The following ZKSCAN1 variants were observed in gnomAD, a reference collection of about 807,000 sequenced individuals.
ZKSCAN1 encodes the protein zinc finger with KRAB and SCAN domains 1, also known as zinc finger protein with KRAB and SCAN domains 1.
Under a neutral mutation model 51.6 loss-of-function variants are expected in ZKSCAN1, and 14 were observed. That is an observed-to-expected ratio of 0.27 (90% confidence interval 0.18 to 0.42). The LOEUF is 0.42. Ranked by LOEUF, ZKSCAN1 falls within the 10% of genes least tolerant of loss-of-function variation. The pLI is 1.00. For missense variants in ZKSCAN1, 531 were observed against 710.0 expected, an observed-to-expected ratio of 0.75 and a Z score of 2.86; for synonymous variants, 263 against 261.5, an observed-to-expected ratio of 1.01 and a Z score of -0.06.
intron 1 of ZKSCAN1, among the ~76,000 whole-genome samples, chr7:100,018,669 G>A (rs1016234656): frequency 5.3e-5 from 8 of 152,194 alleles, no homozygotes; most frequent in African/African-American, 1.7e-4. Context: ...TTACAGGCAT[G>A]AGCCACTGCG....
rs919782355 is a variant in ZKSCAN1 at position 100,039,015 on chromosome 7, G to C, written c.*4818G>C. ...ATGTCAAAAAAAAAAAAAAGGTTGG[G>C]GGGAGGATAGGACTGGCCAGGCACG... On this transcript the variant is annotated 3_prime_UTR_variant, in exon 6 of 6. Transcript: ENST00000324306. The C allele has an allele frequency of 4.9e-4, 75 of 154,382 alleles. No individual in the cohort carries two copies. Among genetic ancestry groups the C allele is most frequent in the Non-Finnish European group, 5.0e-4 (36 of 71,316 alleles). 9.6% of individuals were successfully genotyped at this position (154,382 alleles called of 1,614,324 possible). A position where few individuals can be genotyped will look rare whatever the true frequency, so the allele number is the denominator to read the frequency against.
rs1293077612 is a variant in ZKSCAN1 at position 100,038,509 on chromosome 7, G to A, written c.*4312G>A. 1.0e-6 allele frequency: 1 copy of A among 985,450 alleles called. No individual in the cohort carries two copies. Among genetic ancestry groups the A allele is most frequent in the African/African-American group, 1.7e-5 (1 of 57,360 alleles). 61.0% of individuals were successfully genotyped at this position (985,450 alleles called of 1,614,324 possible). ...CTTTTGAATTTTTCCTCAAAACCAA[G>A]AAGTTGACCTCTGAGCTGTCAGGTG... On this transcript the variant is annotated 3_prime_UTR_variant, in exon 6 of 6. Coordinates refer to ENST00000324306, the MANE Select transcript of ZKSCAN1 (RefSeq NM_003439.4).
chr7:100,019,125 C>T (rs12705068), intron 1 of ZKSCAN1: 2,740 of 152,338 alleles, frequency 0.018, 30 homozygotes, highest in Non-Finnish European at 0.029. Flanking sequence ...TCTGCTGTGT[C>T]TCCTCCCTTT....
chr7:100,019,643 C>T (rs1230410814), intron 1 of ZKSCAN1, among the ~76,000 whole-genome samples: 2 of 152,178 alleles, frequency 1.3e-5, no homozygotes, highest in African/African-American at 4.8e-5. Context: ...AATTCTGCCT[C>T]TACCATATAC....
intron 1 of ZKSCAN1, chr7:100,019,342 G>C (rs1366744707): frequency 6.6e-6 from 1 of 152,258 alleles, no homozygotes; most frequent in African/African-American, 2.4e-5. Context: ...GAGTAGCTGA[G>C]ATTACAGGTA....
intron 5 of ZKSCAN1, among the ~76,000 whole-genome samples, chr7:100,032,675 A>T (rs1259758229): frequency 6.6e-6 from 1 of 152,194 alleles, no homozygotes; most frequent in African/African-American, 2.4e-5. Flanking sequence ...AGTCTGGCCA[A>T]CATGGTGAAA....
chr7:100,016,267 G>A (rs936841343), intron 1 of ZKSCAN1, among the ~76,000 whole-genome samples: 13 of 152,092 alleles, frequency 8.5e-5, no homozygotes, highest in Non-Finnish European at 1.9e-4. Context: ...GGTGATTAAA[G>A]AGTATTTGAA....
At chr7:100,029,589 T>G (rs1791012323) in intron 3 of ZKSCAN1, among the ~76,000 whole-genome samples, 1 of 152,112 alleles carries the variant, frequency 6.6e-6, no homozygotes, top group African/African-American at 2.4e-5. Context: ...GGGAAGTCAT[T>G]TGCAGTCTCA....
At chr7:100,031,932 A>C (rs1192307919) in intron 5 of ZKSCAN1, among the ~76,000 whole-genome samples, 1 of 152,158 alleles carries the variant, frequency 6.6e-6, no homozygotes, top group Non-Finnish European at 1.5e-5. Context: ...TTTAAAAATT[A>C]GCCAGGCGGG....
chr7:100,018,587 A>G (rs1401915026), intron 1 of ZKSCAN1, among the ~76,000 whole-genome samples: 1 of 152,044 alleles, frequency 6.6e-6, no homozygotes, highest in Non-Finnish European at 1.5e-5. Context: ...ACGGGGTTTC[A>G]TCGTGTTACC....
intron 1 of ZKSCAN1, among the ~76,000 whole-genome samples, chr7:100,022,608 A>G (rs945352768): frequency 9.8e-5 from 15 of 152,342 alleles, no homozygotes; most frequent in African/African-American, 3.4e-4. Context: ...AAAAATAGCA[A>G]AAGTAGCTGG....
chr7:100,030,757 G>A (rs181003786), intron 5 of ZKSCAN1, among the ~76,000 whole-genome samples: 140 of 152,236 alleles, frequency 9.2e-4, no homozygotes, highest in Middle Eastern at 3.4e-3. Flanking sequence ...CTGATCATCC[G>A]TCTAATCCCA....
intron 5 of ZKSCAN1, among the ~76,000 whole-genome samples, chr7:100,032,957 G>A (rs1222008431): frequency 2.6e-5 from 4 of 151,532 alleles, no homozygotes; most frequent in African/African-American, 7.3e-5. Context: ...GCAGTGAGCC[G>A]AGATCACGCC....
intron 1 of ZKSCAN1, among the ~76,000 whole-genome samples, chr7:100,018,726 A>G (rs554766110): frequency 2.5e-4 from 38 of 152,286 alleles, no homozygotes; most frequent in African/African-American, 8.7e-4. Flanking sequence ...GGTGAAGAGT[A>G]TTAGGGCCTT....
chr7:100,040,062 G>A lies in ZKSCAN1; in HGVS notation c.*5865G>A, dbSNP rs1791529941. 1 of 881,716 alleles carries A rather than the reference G, an allele frequency of 1.1e-6. No homozygotes were observed. The highest frequency in any genetic ancestry group is 1.8e-5 in the African/African-American group (1 of 54,958). The allele number at this position is 881,716 out of a possible 1,614,324, so 54.6% of individuals were successfully genotyped here. On this transcript the variant is annotated 3_prime_UTR_variant, in exon 6 of 6. Transcript: ENST00000324306. ...TTCAGATTTTTTATTATCTGAAAAT[G>A]AAATTATCTGTTTTACTTTTCAAAG... is the stretch of plus-strand genomic sequence containing the variant.
At position 100,034,073 on chromosome 7, in the gene ZKSCAN1, G is replaced by T. The variant is rs1791236261; in HGVS notation, c.1568G>T (p.Gly523Val). 1.2e-6 allele frequency: 2 copies of T among 1,613,584 alleles called. No homozygotes were observed. Among genetic ancestry groups the T allele is most frequent in the African/African-American group, 1.3e-5 (1 of 75,048 alleles). ...REKPYKCTKCGKAFTRSSTLT... is the reference protein window; with the variant it reads ...REKPYKCTKCVKAFTRSSTLT... ...AAGCCCTACAAGTGCACTAAGTGTGGCAAGGCCTTCACCCGCAGCTCCACC... is the reference window on the plus strand; with the variant it reads ...AAGCCCTACAAGTGCACTAAGTGTGTCAAGGCCTTCACCCGCAGCTCCACC... Residue 523 changes from glycine to valine, a missense_variant, in exon 6 of 6, where the codon GGC becomes GTC. By Grantham distance (109) the Gly-to-Val change is moderately radical. This residue lies in a region of ZKSCAN1 where 128 missense variants were observed against 219.5 expected (regional missense o/e 0.58). Coordinates refer to ENST00000324306, the MANE Select transcript of ZKSCAN1 (RefSeq NM_003439.4).
At chr7:100,032,283 A>G (rs1040788502) in intron 5 of ZKSCAN1, among the ~76,000 whole-genome samples, 6 of 152,148 alleles carry the variant, frequency 3.9e-5, no homozygotes, top group Admixed American at 3.9e-4. Flanking sequence ...AAACCTTCCA[A>G]TTAATTATCA....
chr7:100,045,039 GACA>G, downstream of ZKSCAN1: 1 of 926,558 alleles, frequency 1.1e-6, no homozygotes, highest in South Asian at 5.0e-5. Flanking sequence ...AGGTGCCAGA[GACA>G]ACACTAAATG....
intron 3 of ZKSCAN1, among the ~76,000 whole-genome samples, chr7:100,028,205 T>C (rs887654242): frequency 1.3e-5 from 2 of 151,970 alleles, no homozygotes; most frequent in African/African-American, 4.8e-5. Context: ...ATACAAAAAC[T>C]AGCTGAGCGT....
Sources: gnomAD v4.1 joint callset for allele counts (sites outside exome capture counted in the v4.1 genomes callset) on GRCh38, gnomAD v4.1.1 for gene constraint, gnomAD v4.1.1 regional missense constraint, MANE v1.5 for transcripts, NCBI Gene and HGNC (gene_info 2026-07-23, HGNC 2026-07-21) for gene names.